The following RAB3C variants were observed in gnomAD, a reference collection of about 807,000 sequenced individuals.
RAB3C encodes RAB3C, member RAS oncogene family.
In RAB3C, 17 loss-of-function variants were observed where a neutral mutation model predicts 26.4. The observed-to-expected ratio is 0.64, with a 90% CI of 0.44 to 0.97. The LOEUF is 0.97. Ranked by LOEUF, RAB3C falls within the 50% of genes least tolerant of loss-of-function variation. The pLI is 0.00. For synonymous variants in RAB3C, 91 were observed against 95.9 expected (o/e 0.95, Z 0.30); for missense variants, 242 against 281.9 (o/e 0.86, Z 1.01).
intron 3 of RAB3C, among the ~76,000 whole-genome samples, chr5:58,805,123 CTAAA>C (rs1180220945): frequency 2.0e-5 from 3 of 152,016 alleles, no homozygotes; most frequent in Non-Finnish European, 4.4e-5. Context: ...CAATTATAAA[CTAAA>C]TACTTATTAG....
intron 1 of RAB3C, among the ~76,000 whole-genome samples, chr5:58,596,571 A>T (rs1561259784): frequency 7.9e-6 from 1 of 127,296 alleles, no homozygotes; most frequent in Admixed American, 9.9e-5. Context: ...TTATATATAA[A>T]TATATAATAC....
At chr5:58,633,021 A>C (rs937688405) in intron 2 of RAB3C, among the ~76,000 whole-genome samples, 1 of 152,198 alleles carries the variant, frequency 6.6e-6, no homozygotes, top group African/African-American at 2.4e-5. Context: ...AACCAAAGAG[A>C]TGTTTGTCTC....
intron 1 of RAB3C, among the ~76,000 whole-genome samples, chr5:58,610,766 A>G (rs2111707045): frequency 6.6e-6 from 1 of 152,084 alleles, no homozygotes; most frequent in Middle Eastern, 3.4e-3. Flanking sequence ...TATTTATTTA[A>G]CTTTTAAGTT....
At chr5:58,628,489 G>T (rs1361362194) in intron 2 of RAB3C, among the ~76,000 whole-genome samples, 2 of 152,138 alleles carry the variant, frequency 1.3e-5, no homozygotes, top group Admixed American at 6.5e-5. Context: ...TTACATTAGA[G>T]CCTTGGCCTT....
intron 2 of RAB3C, among the ~76,000 whole-genome samples, chr5:58,714,819 G>A (rs185792636): frequency 6.6e-6 from 1 of 151,450 alleles, no homozygotes; most frequent in African/African-American, 2.4e-5. Context: ...TTCAACCAAA[G>A]AGAAAGCAGG....
At chr5:58,641,919 C>A (rs1216333622) in intron 2 of RAB3C, among the ~76,000 whole-genome samples, 1 of 151,994 alleles carries the variant, frequency 6.6e-6, no homozygotes, top group Non-Finnish European at 1.5e-5. Flanking sequence ...TATGTCTGAC[C>A]AATATTGGCT....
At chr5:58,745,537 A>T (rs1176664612) in intron 3 of RAB3C, among the ~76,000 whole-genome samples, 1 of 152,068 alleles carries the variant, frequency 6.6e-6, no homozygotes. Context: ...ATCAGAACAA[A>T]GGGCTCCTTT....
chr5:58,718,294 G>A (rs1031443223), intron 2 of RAB3C, among the ~76,000 whole-genome samples: 2 of 152,074 alleles, frequency 1.3e-5, no homozygotes, highest in Non-Finnish European at 2.9e-5. Context: ...ACTTTCGGCT[G>A]TAAATTTTAT....
chr5:58,641,254 G>T (rs1007924191), intron 2 of RAB3C, among the ~76,000 whole-genome samples: 18 of 152,252 alleles, frequency 1.2e-4, no homozygotes, highest in African/African-American at 4.1e-4. Context: ...TGTAAATGTG[G>T]TATTTAAGGA....
At chr5:58,825,236 T>G in intron 4 of RAB3C, 74 bp downstream of exon 4, 1 of 1,388,274 alleles carries the variant, frequency 7.2e-7, no homozygotes, top group Non-Finnish European at 9.5e-7. Flanking sequence ...GAGTCCGAGC[T>G]AATTGTCAGG....
chr5:58,714,086 G>A (rs889646100), intron 2 of RAB3C, among the ~76,000 whole-genome samples: 1 of 152,142 alleles, frequency 6.6e-6, no homozygotes, highest in South Asian at 2.1e-4. Flanking sequence ...TAGCTTCAGA[G>A]TAATGATAGT....
At chr5:58,685,055 G>A (rs956980752) in intron 2 of RAB3C, among the ~76,000 whole-genome samples, 10 of 152,162 alleles carry the variant, frequency 6.6e-5, no homozygotes, top group Non-Finnish European at 1.3e-4. Context: ...TTAAGCTTAT[G>A]TTTAATAAGA....
intron 3 of RAB3C, among the ~76,000 whole-genome samples, chr5:58,751,902 ATACATAAAAAAGCAAGGG>A (rs1741535509): frequency 6.6e-6 from 1 of 152,194 alleles, no homozygotes; most frequent in African/African-American, 2.4e-5. Context: ...CTTTAAAGCT[ATACATAAAAAAGCAAGGG>A]CAGAGTTCAG....
chr5:58,790,607 C>T (rs901853101), intron 3 of RAB3C, among the ~76,000 whole-genome samples: 10 of 151,924 alleles, frequency 6.6e-5, no homozygotes, highest in South Asian at 4.1e-4. Context: ...ATATATTATG[C>T]GGGAAAAAAA....
At chr5:58,731,727 G>C (rs1052686096) in intron 3 of RAB3C, among the ~76,000 whole-genome samples, 1 of 152,174 alleles carries the variant, frequency 6.6e-6, no homozygotes, top group African/African-American at 2.4e-5. Flanking sequence ...CTATCTGGTA[G>C]AAGGAAGGAA....
chr5:58,713,946 TTA>T (rs1749116340), intron 2 of RAB3C, among the ~76,000 whole-genome samples: 2 of 152,158 alleles, frequency 1.3e-5, no homozygotes, highest in African/African-American at 2.4e-5. Context: ...TCTAGAATTG[TTA>T]TAAGATAATA....
intron 2 of RAB3C, among the ~76,000 whole-genome samples, chr5:58,676,855 A>G (rs563594502): frequency 6.6e-6 from 1 of 152,222 alleles, no homozygotes; most frequent in East Asian, 1.9e-4. Flanking sequence ...AAAATTATCA[A>G]TGTATTTTCT....
At chr5:58,634,251 G>A (rs1324397893) in intron 2 of RAB3C, among the ~76,000 whole-genome samples, 2 of 152,108 alleles carry the variant, frequency 1.3e-5, no homozygotes, top group Non-Finnish European at 2.9e-5. Flanking sequence ...TCAGGTTGAG[G>A]GATATTTATT....
intron 1 of RAB3C, among the ~76,000 whole-genome samples, chr5:58,601,560 G>A (rs550701158): frequency 2.7e-4 from 41 of 152,094 alleles, no homozygotes; most frequent in Non-Finnish European, 3.7e-4. Context: ...GATTCTTCCT[G>A]ATTTAAGCTA....
Sources: gnomAD v4.1 joint callset for allele counts (sites outside exome capture counted in the v4.1 genomes callset) on GRCh38, gnomAD v4.1.1 for gene constraint, MANE v1.5 for transcripts, NCBI Gene and HGNC (gene_info 2026-07-23, HGNC 2026-07-21) for gene names.